DYNC1I1: variants seen among roughly 807,000 people sequenced by gnomAD.
DYNC1I1 encodes the protein cytoplasmic dynein 1 intermediate chain 1.
In DYNC1I1, 43 loss-of-function variants were observed where a neutral mutation model predicts 86.6. The ratio of observed to expected loss-of-function variants is 0.50; its 90% CI spans 0.39 to 0.64. The LOEUF is 0.64. Ranked by LOEUF, DYNC1I1 falls within the 30% of genes least tolerant of loss-of-function variation. The pLI, the probability that DYNC1I1 is intolerant of heterozygous loss-of-function variation, is 0.00. For synonymous variants in DYNC1I1, 262 were observed against 283.7 expected (o/e 0.92, Z 0.77); for missense variants, 604 against 788.8 (o/e 0.77, Z 2.81).
intron 10 of DYNC1I1, among the ~76,000 whole-genome samples, chr7:96,006,488 G>A (rs1251034364): frequency 1.3e-5 from 2 of 152,148 alleles, no homozygotes; most frequent in Admixed American, 1.3e-4. Context: ...TTCAGAACAG[G>A]ATTTCACTGG....
At chr7:95,933,793 C>A (rs564484219) in intron 6 of DYNC1I1, among the ~76,000 whole-genome samples, 2 of 152,050 alleles carry the variant, frequency 1.3e-5, no homozygotes, top group Non-Finnish European at 2.9e-5. Flanking sequence ...GCCTTTCAGT[C>A]GCCCTTGTTA....
At chr7:96,057,003 A>T (rs1789597086) in intron 14 of DYNC1I1, among the ~76,000 whole-genome samples, 1 of 152,166 alleles carries the variant, frequency 6.6e-6, no homozygotes, top group African/African-American at 2.4e-5. Context: ...CCTGCATTTC[A>T]TGGTTCTTCA....
chr7:96,025,778 T>C (rs1001720457), intron 10 of DYNC1I1, among the ~76,000 whole-genome samples: 1 of 151,186 alleles, frequency 6.6e-6, no homozygotes, highest in Non-Finnish European at 1.5e-5. Context: ...GTTTCAGTTT[T>C]ATATAAATAC....
At chr7:96,069,175 T>C (rs1584295810) in intron 14 of DYNC1I1, among the ~76,000 whole-genome samples, 1 of 152,162 alleles carries the variant, frequency 6.6e-6, no homozygotes, top group Admixed American at 6.6e-5. Context: ...ATCGTAGATA[T>C]ATAGAATGCT....
chr7:96,060,633 G>GATGACA (rs1789736219), intron 14 of DYNC1I1, among the ~76,000 whole-genome samples: 2 of 152,168 alleles, frequency 1.3e-5, no homozygotes, highest in Non-Finnish European at 2.9e-5. Context: ...ATGGAGTGTG[G>GATGACA]ATGACAATGA....
chr7:95,886,083 C>T (rs753798078), intron 6 of DYNC1I1, among the ~76,000 whole-genome samples: 2 of 152,140 alleles, frequency 1.3e-5, no homozygotes, highest in Non-Finnish European at 2.9e-5. Context: ...CTACATATTT[C>T]CTCTACAGTC....
chr7:95,947,980 C>G (rs1169989603), intron 6 of DYNC1I1, among the ~76,000 whole-genome samples: 1 of 106,850 alleles, frequency 9.4e-6, no homozygotes, highest in African/African-American at 3.7e-5. Flanking sequence ...TTGTATGTGG[C>G]TTTTTTTTTT....
intron 8 of DYNC1I1, among the ~76,000 whole-genome samples, chr7:95,986,023 CGTGTGTGTGTGTGTGTGT>C (rs3138829): frequency 2.3e-5 from 3 of 132,740 alleles, no homozygotes; most frequent in African/African-American, 8.7e-5. Context: ...CCTGGCAGGA[CGTGTGTGTGTGTGTGTGT>C]GTGTGTGTGT....
chr7:96,035,089 G>A (rs537102570), intron 12 of DYNC1I1, among the ~76,000 whole-genome samples: 170 of 152,202 alleles, frequency 1.1e-3, no homozygotes, highest in African/African-American at 3.9e-3. Context: ...CAGGCTTATA[G>A]CCTATTCACC....
At chr7:95,945,579 A>G (rs1469563540) in intron 6 of DYNC1I1, among the ~76,000 whole-genome samples, 1 of 152,086 alleles carries the variant, frequency 6.6e-6, no homozygotes, top group African/African-American at 2.4e-5. Flanking sequence ...CTTTGTTTAT[A>G]AAAAAAAGTG....
chr7:95,852,608 G>C (rs1177297791), intron 5 of DYNC1I1, among the ~76,000 whole-genome samples: 3 of 152,052 alleles, frequency 2.0e-5, no homozygotes, highest in South Asian at 2.1e-4. Flanking sequence ...CTGGGTTCAA[G>C]CGATTCTCCT....
intron 6 of DYNC1I1, among the ~76,000 whole-genome samples, chr7:95,919,899 A>G (rs1791566609): frequency 6.6e-6 from 1 of 152,248 alleles, no homozygotes; most frequent in South Asian, 2.1e-4. Flanking sequence ...ATACATAGCC[A>G]GGAGTCCATA....
intron 14 of DYNC1I1, among the ~76,000 whole-genome samples, chr7:96,064,827 G>A (rs1239729073): frequency 6.6e-6 from 1 of 152,046 alleles, no homozygotes; most frequent in Non-Finnish European, 1.5e-5. Context: ...CCTTCCATTT[G>A]CCAGATTGTA....
chr7:95,922,153 C>A (rs958577089), intron 6 of DYNC1I1, among the ~76,000 whole-genome samples: 1 of 152,050 alleles, frequency 6.6e-6, no homozygotes, highest in African/African-American at 2.4e-5. Flanking sequence ...AATCTTCATT[C>A]AAATCAAATG....
rs1312679669 is a variant in DYNC1I1 at position 95,995,921 on chromosome 7, T to C, written c.844-27T>C. The stretch of plus-strand genomic sequence containing the variant: ...TCCTTGTGTTGTCATCTTAGCATAA[T>C]TCATCCTTGTGACCTCTTCCATTTA... On this transcript the variant is annotated intron_variant, in intron 9 of 16. Transcript: ENST00000447467. The C allele has an allele frequency of 3.8e-6, 6 of 1,566,042 alleles. No individual in the cohort carries two copies. In the African/African-American group the frequency reaches 6.9e-5, roughly 18 times the overall value.
At position 96,076,185 on chromosome 7, in the gene DYNC1I1, C is replaced by A; in HGVS notation, c.1638C>A (p.Asn546Lys). Residue 546 changes from asparagine to lysine, a missense_variant, in exon 15 of 17, where the codon AAC becomes AAA. By Grantham distance (94) the Asn-to-Lys change is moderately conservative (BLOSUM62 0). Coordinates refer to ENST00000447467, the MANE Select transcript of DYNC1I1 (RefSeq NM_001135556.2). ...GMGRLDLWNL[N>K]NDTEVPTASV... ...GGCGCTTGGACCTCTGGAACCTCAA[C>A]AATGACACCGAGGTGAGCGGCGGCT... The A allele has an allele frequency of 1.2e-6, 2 of 1,614,180 alleles. No homozygotes were observed. The highest frequency in any genetic ancestry group is 1.7e-6 in the Non-Finnish European group (2 of 1,180,008).
chr7:95,969,855 A>G (rs993590171), intron 6 of DYNC1I1, among the ~76,000 whole-genome samples: 1 of 152,144 alleles, frequency 6.6e-6, no homozygotes, highest in Non-Finnish European at 1.5e-5. Context: ...TGAGAAATGT[A>G]TGTTTTCTTT....
intron 12 of DYNC1I1, among the ~76,000 whole-genome samples, 162 bp downstream of exon 12, chr7:96,032,942 G>A (rs1365468570): frequency 6.6e-6 from 1 of 152,182 alleles, no homozygotes; most frequent in African/African-American, 2.4e-5. Flanking sequence ...TTCTCTTGAA[G>A]CCAAAACCCA....
At chr7:95,932,324 G>A (rs1791921094) in intron 6 of DYNC1I1, among the ~76,000 whole-genome samples, 1 of 152,154 alleles carries the variant, frequency 6.6e-6, no homozygotes, top group Non-Finnish European at 1.5e-5. Context: ...TTTCACAACA[G>A]AGAAATTAAT....
Sources: allele counts gnomAD v4.1 joint callset (sites outside exome capture counted in the v4.1 genomes callset), GRCh38; gene constraint gnomAD v4.1.1; transcripts MANE v1.5; gene names NCBI Gene and HGNC (gene_info 2026-07-23, HGNC 2026-07-21).